TBCD: variants seen among roughly 807,000 people sequenced by gnomAD.
TBCD encodes the protein tubulin folding cofactor D, also known as tubulin-specific chaperone D.
TBCD carries 105 observed loss-of-function variants against 169.3 expected under a neutral mutation model. That is an observed-to-expected ratio of 0.62 (90% confidence interval 0.53 to 0.73). The LOEUF is 0.73. Ranked by LOEUF, TBCD falls within the 30% of genes least tolerant of loss-of-function variation. The pLI, the probability that TBCD is intolerant of heterozygous loss-of-function variation, is 0.00. For missense variants in TBCD, 1,444 were observed against 1,600.1 expected, an observed-to-expected ratio of 0.90 and a Z score of 1.66; for synonymous variants, 700 against 643.9, an observed-to-expected ratio of 1.09 and a Z score of -1.32.
intron 13 of TBCD, among the ~76,000 whole-genome samples, chr17:82,854,533 C>T (rs1309592506): frequency 6.6e-6 from 1 of 152,216 alleles, no homozygotes; most frequent in Non-Finnish European, 1.5e-5. Flanking sequence ...TCAGAAAGGC[C>T]TGCAGGTTAC....
chr17:82,798,238 C>T (rs2050252670), intron 8 of TBCD, among the ~76,000 whole-genome samples: 1 of 151,640 alleles, frequency 6.6e-6, no homozygotes, highest in Non-Finnish European at 1.5e-5. Flanking sequence ...ACTCCGCCTC[C>T]TGGATTCACG....
At chr17:82,911,171 A>G (rs954697108) in intron 22 of TBCD, among the ~76,000 whole-genome samples, 23 of 152,132 alleles carry the variant, frequency 1.5e-4, no homozygotes, top group African/African-American at 5.6e-4. Flanking sequence ...CCAGCATTTC[A>G]TATGTTGCAT....
chr17:82,887,168 T>TGTGTGTGTGCGCGCGCGC, intron 15 of TBCD, among the ~76,000 whole-genome samples: 119 of 126,170 alleles, frequency 9.4e-4, no homozygotes, highest in South Asian at 2.1e-3. Context: ...TGTGTGTGTG[T>TGTGTGTGTGCGCGCGCGC]GCGCGCGCGC....
chr17:82,925,071 C>A lies in TBCD; in HGVS notation c.2379+14C>A. ...CGGCTCCAGCAGGTGAGGCTGGCCA[C>A]GCGCAGTGGACGGGGCCTAGGGCGA... is the stretch of plus-strand genomic sequence containing the variant. On this transcript the variant is annotated intron_variant, in intron 27 of 38. Transcript: ENST00000355528. The A allele has an allele frequency of 6.5e-7, 1 of 1,543,860 alleles. No individual in the cohort carries two copies. Among genetic ancestry groups the A allele is most frequent in the Non-Finnish European group, 8.8e-7 (1 of 1,142,826 alleles).
chr17:82,943,263 C>CT lies in TBCD; in HGVS notation c.*801dup, dbSNP rs1388467925. On this transcript the variant is annotated 3_prime_UTR_variant, in exon 39 of 39. Transcript: ENST00000355528. ...AAAGGGCAGGAGGCTACCTTTGTCT[C>CT]TGTGTCTGAGCTCGTGCTGATCCAT... is the stretch of plus-strand genomic sequence containing the variant. 6.6e-6 allele frequency: 1 copy of CT among 152,302 alleles called. No individual in the cohort carries two copies. Among genetic ancestry groups the CT allele is most frequent in the Non-Finnish European group, 1.5e-5 (1 of 68,106 alleles). The allele number at this position is 152,302 out of a possible 1,614,324, so 9.4% of individuals were successfully genotyped here.
At chr17:82,898,015 G>C (rs369484514) in intron 17 of TBCD, among the ~76,000 whole-genome samples, 3 of 149,398 alleles carry the variant, frequency 2.0e-5, no homozygotes, top group African/African-American at 7.6e-5. Context: ...TTGAGCCCCT[G>C]TGGGTTTTGG....
chr17:82,768,616 T>C, intron 5 of TBCD, 50 bp downstream of exon 5: 1 of 1,595,806 alleles, frequency 6.3e-7, no homozygotes, highest in Non-Finnish European at 8.6e-7. Flanking sequence ...ACTTTCATGT[T>C]CATGCTGTCT....
At chr17:82,795,146 AAAC>A (rs755352376) in intron 7 of TBCD, among the ~76,000 whole-genome samples, 2 of 152,230 alleles carry the variant, frequency 1.3e-5, no homozygotes, top group South Asian at 4.1e-4. Context: ...TTGAGTAACT[AAAC>A]AACGTTCATG....
intron 13 of TBCD, among the ~76,000 whole-genome samples, chr17:82,844,252 C>T (rs2054811556): frequency 4.4e-5 from 1 of 22,760 alleles, no homozygotes; most frequent in South Asian, 1.5e-3. Context: ...GACCTGGGGT[C>T]TTGCTGTGTT....
chr17:82,771,884 A>T (rs1229825380), intron 5 of TBCD, among the ~76,000 whole-genome samples: 1 of 151,964 alleles, frequency 6.6e-6, no homozygotes, highest in East Asian at 1.9e-4. Context: ...AGATCGCGCC[A>T]CGGCCCTCCA....
chr17:82,842,416 G>A (rs976663788), intron 13 of TBCD, among the ~76,000 whole-genome samples: 6 of 152,132 alleles, frequency 3.9e-5, no homozygotes, highest in Non-Finnish European at 8.8e-5. Context: ...ACTCCTGGTC[G>A]AGGTGTTGTT....
chr17:82,752,418 C>T, intron 1 of TBCD, 41 bp downstream of exon 1: 1 of 1,194,882 alleles, frequency 8.4e-7, no homozygotes, highest in Non-Finnish European at 1.0e-6. Flanking sequence ...TCCCCCGGCC[C>T]GGGTTCGGCG....
At position 82,801,015 on chromosome 17, in the gene TBCD, G is replaced by A. The variant is rs1482725639; in HGVS notation, c.950+19G>A. 7 of 1,598,844 alleles carry A rather than the reference G, an allele frequency of 4.4e-6. No homozygotes were observed. In the South Asian group the frequency reaches 7.8e-5, roughly 18 times the overall value. ...CATGGAGGTAGGCACCATGAGGGCG[G>A]TGCCTGGGGAGGGCCACGGGGTGGG... is the stretch of plus-strand genomic sequence containing the variant. On this transcript the variant is annotated intron_variant, in intron 9 of 38. Coordinates refer to ENST00000355528, the MANE Select transcript of TBCD (RefSeq NM_005993.5).
chr17:82,836,093 A>G (rs1021694433), intron 13 of TBCD, among the ~76,000 whole-genome samples: 2 of 152,246 alleles, frequency 1.3e-5, no homozygotes, highest in Non-Finnish European at 2.9e-5. Flanking sequence ...TCCCCCTATT[A>G]GAAGAAAGAA....
intron 17 of TBCD, chr17:82,895,761 T>C (rs927028918): frequency 2.6e-5 from 4 of 152,152 alleles, no homozygotes; most frequent in Admixed American, 1.3e-4. Flanking sequence ...GGCCTCAGCT[T>C]GCACGTGCTG....
intron 33 of TBCD, among the ~76,000 whole-genome samples, chr17:82,931,211 C>T (rs1245457483): frequency 2.0e-5 from 3 of 152,266 alleles, no homozygotes; most frequent in Non-Finnish European, 2.9e-5. Flanking sequence ...TCGGGCGGGG[C>T]CTCGGCAGCC....
At chr17:82,941,128 G>A (rs147868398) in intron 37 of TBCD, among the ~76,000 whole-genome samples, 139 of 152,342 alleles carry the variant, frequency 9.1e-4, no homozygotes, top group African/African-American at 3.0e-3. Context: ...CTGTCCTCCC[G>A]CAGTCCCTGC....
At position 82,890,451 on chromosome 17, in the gene TBCD, C is replaced by T. The variant is rs114746515; in HGVS notation, c.1563+754C>T. 8.0e-3 allele frequency among the ~76,000 whole-genome samples: 1,218 copies of T among 152,202 alleles called. 14 individuals are homozygous for T. The highest frequency in any genetic ancestry group is 0.028 in the African/African-American group (1,161 of 41,516). On this transcript the variant is annotated intron_variant, in intron 16 of 38. Transcript: ENST00000355528. This position sits in a 1 kb window ranked among gnomAD's most constrained non-coding sequence, Gnocchi z 5.3. ...GTGGTGTGGGGCGGCATGGGGTGGA[C>T]GTGGGCCTGCGGACCCTTCTGACCT...
At chr17:82,900,508 T>C in intron 17 of TBCD, 143 bp from the exon 18 acceptor site, 1 of 664,296 alleles carries the variant, frequency 1.5e-6, no homozygotes, top group South Asian at 1.8e-5. Context: ...GGGTAACTGC[T>C]CAGGAGGGAA....
Sources: allele counts gnomAD v4.1 joint callset (sites outside exome capture counted in the v4.1 genomes callset), GRCh38; gene constraint gnomAD v4.1.1; non-coding constraint Gnocchi (gnomAD v3.1); transcripts MANE v1.5; gene names NCBI Gene and HGNC (gene_info 2026-07-23, HGNC 2026-07-21).